The following DCTN4 variants were observed in gnomAD, a reference collection of about 807,000 sequenced individuals.
DCTN4 encodes the protein dynactin 4 (p62).
A neutral mutation model predicts 62.7 loss-of-function variants in DCTN4; 23 were observed. The observed-to-expected ratio is 0.37, with a 90% CI of 0.26 to 0.52. The LOEUF (loss-of-function observed/expected upper bound fraction) is 0.52, where lower values mean the gene tolerates loss of function less well. Ranked by LOEUF, DCTN4 falls within the 20% of genes least tolerant of loss-of-function variation. The pLI, the probability that DCTN4 is intolerant of heterozygous loss-of-function variation, is 0.92. For synonymous variants in DCTN4, 199 were observed against 202.1 expected, an observed-to-expected ratio of 0.98 and a Z score of 0.13; for missense variants, 514 against 580.4, an observed-to-expected ratio of 0.89 and a Z score of 1.18.
At position 150,708,711 on chromosome 5, in the gene DCTN4, A is replaced by C. The variant is rs1759458777; in HGVS notation, c.*2438T>G. On this transcript the variant is annotated 3_prime_UTR_variant, in exon 13 of 13. Transcript: ENST00000447998. The stretch of plus-strand genomic sequence containing the variant: ...TTGTCTTTTGGCTCTGAGCCATGCT[A>C]CTTAGTATCTACATGAGAGCAAACA... 1.3e-5 allele frequency: 2 copies of C among 152,798 alleles called. No individual in the cohort carries two copies. Among genetic ancestry groups the C allele is most frequent in the Admixed American group, 6.5e-5 (1 of 15,278 alleles). The allele number at this position is 152,798 out of a possible 1,614,324, so 9.5% of individuals were successfully genotyped here. A position where few individuals can be genotyped will look rare whatever the true frequency, so the allele number is the denominator to read the frequency against.
chr5:150,746,520 A>G (rs1042177909), intron 3 of DCTN4, among the ~76,000 whole-genome samples: 3 of 151,260 alleles, frequency 2.0e-5, no homozygotes, highest in Admixed American at 6.6e-5. Context: ...CTTGATGAAC[A>G]TTGATGCAAA....
At chr5:150,725,522 C>G (rs1277487172) in intron 8 of DCTN4, among the ~76,000 whole-genome samples, 1 of 151,466 alleles carries the variant, frequency 6.6e-6, no homozygotes, top group African/African-American at 2.4e-5. Flanking sequence ...ATTTTGGTTT[C>G]TTAATTTATT....
intron 1 of DCTN4, chr5:150,758,316 GTA>G: frequency 1.0e-6 from 1 of 986,086 alleles, no homozygotes; most frequent in Non-Finnish European, 1.2e-6. Flanking sequence ...ATGACATACT[GTA>G]TTCTGAGCGC....
At position 150,758,929 on chromosome 5, in the gene DCTN4, G is replaced by A. The variant is rs1408623104; in HGVS notation, c.65C>T (p.Ala22Val). Residue 22 changes from alanine to valine, a missense_variant, in exon 1 of 13, where the codon GCC becomes GTC. Coordinates refer to ENST00000447998, the MANE Select transcript of DCTN4 (RefSeq NM_016221.4). ...YLVQGEKKVR[A>V]PLSQLYFCRY... ...GCAGAAGTAGAGTTGCGAGAGCGGG[G>A]CCCGAACCTTCTTTTCTCCCTGGAC... The A allele has an allele frequency of 6.2e-7, 1 of 1,614,116 alleles. No homozygotes were observed. Among genetic ancestry groups the A allele is most frequent in the Non-Finnish European group, 8.5e-7 (1 of 1,180,016 alleles).
In DCTN4 at chr5:150,709,878, T is replaced by C. The variant is rs1187267708; in HGVS notation, c.*1271A>G. The C allele has an allele frequency of 2.0e-5, 3 of 152,364 alleles. No individual in the cohort carries two copies. Among genetic ancestry groups the C allele is most frequent in the African/African-American group, 7.2e-5 (3 of 41,462 alleles). The allele number at this position is 152,364 out of a possible 1,614,324, so 9.4% of individuals were successfully genotyped here. A position where few individuals can be genotyped will look rare whatever the true frequency, so the allele number is the denominator to read the frequency against. The stretch of plus-strand genomic sequence containing the variant: ...TCTTGGCCACTTACTAACAATACTT[T>C]TACAGAAAACACGGTGCAGCTGGTG... On this transcript the variant is annotated 3_prime_UTR_variant, in exon 13 of 13. Transcript: ENST00000447998.
At chr5:150,735,747 G>A (rs201970199) in intron 4 of DCTN4, among the ~76,000 whole-genome samples, 10 of 150,336 alleles carry the variant, frequency 6.7e-5, no homozygotes, top group South Asian at 2.1e-4. Context: ...GACAAAGCAA[G>A]GTTCTTTAAC....
rs147142030 is a variant in DCTN4 at position 150,753,393 on chromosome 5, C to T, written c.385+86G>A. 224 of 1,267,982 alleles carry T rather than the reference C, an allele frequency of 1.8e-4. No individual in the cohort carries two copies. The African/African-American group carries it at 2.8e-3, about 16-fold the overall frequency. The allele number at this position is 1,267,982 out of a possible 1,614,324, so 78.5% of individuals were successfully genotyped here. A position where few individuals can be genotyped will look rare whatever the true frequency, so the allele number is the denominator to read the frequency against. ...TATTCTGAATTTAGCTCCTATCGCC[C>T]CAACGGGTTACAGAAATAATAATCT... On this transcript the variant is annotated intron_variant, in intron 3 of 12. Transcript: ENST00000447998.
rs867987278 is a variant in DCTN4 at position 150,746,525 on chromosome 5, T to G, written c.386-4368A>C. Among the ~76,000 whole-genome samples, 447 of 152,206 alleles carry G rather than the reference T, an allele frequency of 2.9e-3. 1 individual carries two copies. The highest frequency in any genetic ancestry group is 1.0e-2 in the African/African-American group (414 of 41,488). ...GACCAATATCCTTGATGAACATTGA[T>G]GCAAAAATCCTCAATAAAATACTGG... is the stretch of plus-strand genomic sequence containing the variant. On this transcript the variant is annotated intron_variant, in intron 3 of 12. Transcript: ENST00000447998.
rs1300639704 is a variant in DCTN4, at chr5:150,729,059, T to C, written c.834+1572A>G. ...CACACTGGCTTTTTTTTTTTTTTTT[T>C]TTTTTTTTTTTTTTTGGTAGAGACA... On this transcript the variant is annotated intron_variant, in intron 8 of 12. Transcript: ENST00000447998. Among the ~76,000 whole-genome samples the C allele has an allele frequency of 6.2e-4, 82 of 133,022 alleles. 2 individuals carry two copies. The highest frequency in any genetic ancestry group is 2.2e-3 in the African/African-American group (74 of 34,108). 87.3% of individuals were successfully genotyped at this position (133,022 alleles called of 152,430 possible). A position where few individuals can be genotyped will look rare whatever the true frequency, so the allele number is the denominator to read the frequency against.
chr5:150,730,545 AG>A (rs1421222486), intron 8 of DCTN4, 85 bp downstream of exon 8: 6 of 1,163,472 alleles, frequency 5.2e-6, no homozygotes, highest in Admixed American at 1.8e-5. Context: ...TACATTCCAA[AG>A]GTTTTGACAT....
chr5:150,731,612 C>A, intron 5 of DCTN4, 123 bp from the exon 6 acceptor site: 1 of 741,728 alleles, frequency 1.3e-6, no homozygotes. Context: ...AAAAGCTAAT[C>A]TAAAGGCTTC....
At chr5:150,731,530 T>A in intron 5 of DCTN4, 41 bp from the exon 6 acceptor site, 2 of 1,496,692 alleles carry the variant, frequency 1.3e-6, no homozygotes, top group Non-Finnish European at 1.8e-6. Context: ...AGTCCACTTT[T>A]ACACACCCTA....
intron 12 of DCTN4, among the ~76,000 whole-genome samples, chr5:150,714,465 C>A (rs1759684087): frequency 6.6e-6 from 1 of 152,118 alleles, no homozygotes; most frequent in Admixed American, 6.6e-5. Flanking sequence ...CAGCCTCAGC[C>A]TACCGGGCTC....
At position 150,710,166 on chromosome 5, in the gene DCTN4, A is replaced by G. The variant is rs1200133082; in HGVS notation, c.*983T>C. ...AATAGTTAATTTCCCCTTCAAATCAATGGAAAGAATGCTAGTTGAGAATAT... is the reference window on the plus strand; with the variant it reads ...AATAGTTAATTTCCCCTTCAAATCAGTGGAAAGAATGCTAGTTGAGAATAT... On this transcript the variant is annotated 3_prime_UTR_variant, in exon 13 of 13. Coordinates refer to ENST00000447998, the MANE Select transcript of DCTN4 (RefSeq NM_016221.4). The G allele has an allele frequency of 6.6e-6, 1 of 152,362 alleles. No homozygotes were observed. 9.4% of individuals were successfully genotyped at this position (152,362 alleles called of 1,614,324 possible).
chr5:150,711,244 C>T lies in DCTN4; in HGVS notation c.1288G>A (p.Ala430Thr). 1.2e-6 allele frequency: 2 copies of T among 1,613,182 alleles called. No homozygotes were observed. The highest frequency in any genetic ancestry group is 1.7e-6 in the Non-Finnish European group (2 of 1,180,030). ...KMKHDFKNLA[A>T]PIRPIEESDQ... Reference sequence around the variant, plus strand: ...CTTTCTTCAATGGGGCGAATGGGGGCTGCCAGGTTTTTAAAATCATGCTTC... The same window carrying T: ...CTTTCTTCAATGGGGCGAATGGGGGTTGCCAGGTTTTTAAAATCATGCTTC... The change falls in exon 13 of 13, where the codon GCC (alanine) becomes ACC (threonine). Residue 430 changes from alanine to threonine, a missense_variant. By Grantham distance (58) the Ala-to-Thr change is moderately conservative. Transcript: ENST00000447998.
chr5:150,758,401 G>A (rs1365006040), intron 1 of DCTN4: 3 of 990,392 alleles, frequency 3.0e-6, no homozygotes, highest in Non-Finnish European at 2.4e-6. Flanking sequence ...ACAGGGCAAG[G>A]CAGTCTGACG....
intron 7 of DCTN4, 125 bp from the exon 8 acceptor site, chr5:150,730,865 T>C (rs1476147612): frequency 2.0e-5 from 18 of 901,658 alleles, no homozygotes; most frequent in African/African-American, 6.7e-5. Context: ...AATGAAAATA[T>C]AGAAAGTTGA....
At chr5:150,748,554 T>TA (rs1752546583) in intron 3 of DCTN4, among the ~76,000 whole-genome samples, 1 of 149,390 alleles carries the variant, frequency 6.7e-6, no homozygotes, top group East Asian at 2.0e-4. Flanking sequence ...CCAACAATGA[T>TA]AGACTGGATT....
chr5:150,711,267 T>C lies in DCTN4; in HGVS notation c.1265A>G (p.Lys422Arg), dbSNP rs1171031358. Reference protein sequence around the residue: ...EGEVTVCFKMKHDFKNLAAPI... With the variant: ...EGEVTVCFKMRHDFKNLAAPI... Reference sequence around the variant, plus strand: ...GGCTGCCAGGTTTTTAAAATCATGCTTCATCTTGAAGCACACGGTCACTTC... The same window carrying C: ...GGCTGCCAGGTTTTTAAAATCATGCCTCATCTTGAAGCACACGGTCACTTC... The change falls in exon 13 of 13, where the codon AAG becomes AGG. Residue 422 changes from lysine (K) to arginine (R), a missense_variant. Physicochemically the swap from Lys to Arg is conservative, Grantham distance 26 (BLOSUM62 2). Transcript: ENST00000447998. The C allele has an allele frequency of 6.2e-7, 1 of 1,613,426 alleles. No homozygotes were observed. The highest frequency in any genetic ancestry group is 1.7e-5 in the Admixed American group (1 of 59,994).
Sources: allele counts gnomAD v4.1 joint callset (sites outside exome capture counted in the v4.1 genomes callset), GRCh38; gene constraint gnomAD v4.1.1; transcripts MANE v1.5; gene names NCBI Gene and HGNC (gene_info 2026-07-23, HGNC 2026-07-21).